The following DOP1B variants were observed in gnomAD, a reference collection of about 807,000 sequenced individuals.
DOP1B encodes protein DOP1B.
DOP1B carries 174 observed loss-of-function variants against 233.5 expected under a neutral mutation model. The observed-to-expected ratio is 0.75, with a 90% CI of 0.66 to 0.85. The LOEUF is 0.85. Ranked by LOEUF, DOP1B falls within the 40% of genes least tolerant of loss-of-function variation. The pLI, the probability that DOP1B is intolerant of heterozygous loss-of-function variation, is 0.00. For synonymous variants in DOP1B, 1,190 were observed against 1,185.6 expected (o/e 1.00, Z -0.08); for missense variants, 2,652 against 2,846.6 (o/e 0.93, Z 1.56).
rs1388412319 is a variant in DOP1B, at chr21:36,208,701, T to C, written c.492-14T>C. 1.9e-6 allele frequency: 3 copies of C among 1,610,480 alleles called. No individual in the cohort carries two copies. ...TGGGGCGAGCCCTTGAACCCTATCC[T>C]CTCTCATCAACAGAACGGATGCTCT... is the stretch of plus-strand genomic sequence containing the variant. On this transcript the variant is annotated splice_polypyrimidine_tract_variant and intron_variant, in intron 4 of 36. Coordinates refer to ENST00000691173, the MANE Select transcript of DOP1B (RefSeq NM_001320714.2).
intron 18 of DOP1B, 114 bp downstream of exon 18, chr21:36,240,069 G>C (rs1875510916): frequency 2.6e-5 from 32 of 1,234,480 alleles, no homozygotes; most frequent in Non-Finnish European, 3.0e-5. Flanking sequence ...AGATGCAAAT[G>C]GTACTTTGTA....
rs1440698831 is a variant in DOP1B at position 36,211,878 on chromosome 21, A to G, written c.781-96A>G. The G allele has an allele frequency of 1.3e-5, 20 of 1,557,350 alleles. No homozygotes were observed. The East Asian group carries it at 3.8e-4, about 30-fold the overall frequency. On this transcript the variant is annotated intron_variant, in intron 6 of 36. Transcript: ENST00000691173. ...GTAAGGAACCAGCCCATTTTGAGAT[A>G]GAGCTTTGCAGACCAGCAAGGAAGG...
At chr21:36,157,457 G>T (rs940385422) in intron 1 of DOP1B, among the ~76,000 whole-genome samples, 13 of 152,232 alleles carry the variant, frequency 8.5e-5, no homozygotes, top group Non-Finnish European at 1.9e-4. Flanking sequence ...AGGGATCCGG[G>T]CCGCAGTGCG....
chr21:36,190,490 C>T (rs2066220756), intron 2 of DOP1B, among the ~76,000 whole-genome samples: 3 of 151,842 alleles, frequency 2.0e-5, no homozygotes, highest in Admixed American at 2.0e-4. Flanking sequence ...CTCTGCCTCC[C>T]GGGTTCAAGT....
chr21:36,286,963 C>CA (rs879698526), intron 32 of DOP1B, among the ~76,000 whole-genome samples: 1,562 of 129,936 alleles, frequency 0.012, 20 homozygotes, highest in African/African-American at 0.039. Flanking sequence ...GACTCCATCT[C>CA]AAAAAAAAAA....
intron 2 of DOP1B, among the ~76,000 whole-genome samples, chr21:36,183,349 CT>C (rs540444109): frequency 2.0e-4 from 31 of 152,312 alleles, no homozygotes; most frequent in Admixed American, 1.8e-3. Flanking sequence ...TGCTGTAGAC[CT>C]TTGGTTTTGT....
chr21:36,209,053 G>T, intron 5 of DOP1B, 149 bp downstream of exon 5: 1 of 896,442 alleles, frequency 1.1e-6, no homozygotes, highest in Non-Finnish European at 1.6e-6. Context: ...GGCTGAGCAA[G>T]GCGAGAAGGA....
At chr21:36,237,041 C>T (rs1157099279) in intron 15 of DOP1B, among the ~76,000 whole-genome samples, 1 of 152,154 alleles carries the variant, frequency 6.6e-6, no homozygotes, top group African/African-American at 2.4e-5. Context: ...CCACTTCGAC[C>T]TCCCAAAGTG....
Position 36,278,444 on chromosome 21 carries a change from AAGCAGAGCCAT to A in DOP1B, c.5969+92_5969+102del, listed in dbSNP as rs965737292. The A allele has an allele frequency of 2.5e-5, 35 of 1,418,498 alleles. No homozygotes were observed. In the African/African-American group the frequency reaches 4.8e-4, roughly 20 times the overall value. The allele number at this position is 1,418,498 out of a possible 1,614,324, so 87.9% of individuals were successfully genotyped here. A position where few individuals can be genotyped will look rare whatever the true frequency, so the allele number is the denominator to read the frequency against. ...TACAGAATTCTCATTCCTGAAATAG[AAGCAGAGCCAT>A]AGGATCAACCCAAATAACAGGACGT... On this transcript the variant is annotated intron_variant, in intron 30 of 36. Coordinates refer to ENST00000691173, the MANE Select transcript of DOP1B (RefSeq NM_001320714.2).
At chr21:36,174,695 T>C (rs941071837) in intron 2 of DOP1B, among the ~76,000 whole-genome samples, 4 of 152,164 alleles carry the variant, frequency 2.6e-5, no homozygotes, top group African/African-American at 9.7e-5. Context: ...TTTCTTTTCA[T>C]AGAGACAGGG....
chr21:36,242,013 G>C (rs1388347354), intron 18 of DOP1B, among the ~76,000 whole-genome samples: 1 of 151,926 alleles, frequency 6.6e-6, no homozygotes, highest in African/African-American at 2.4e-5. Flanking sequence ...GTTCCACATT[G>C]TAAGAAAGTA....
In DOP1B at chr21:36,257,276, T is replaced by C. The variant is rs1036232995; in HGVS notation, c.5259+3367T>C. 2.0e-5 allele frequency among the ~76,000 whole-genome samples: 3 copies of C among 152,294 alleles called. 1 individual carries two copies. On this transcript the variant is annotated intron_variant, in intron 23 of 36. Transcript: ENST00000691173. Reference sequence around the variant, plus strand: ...TCACCAAACCCAGTCCTCTTGGGCCTTTTATGGAAACTTCATTGGATGGGT... The same window carrying C: ...TCACCAAACCCAGTCCTCTTGGGCCCTTTATGGAAACTTCATTGGATGGGT...
At chr21:36,213,108 A>G (rs982045651) in intron 7 of DOP1B, among the ~76,000 whole-genome samples, 1 of 152,238 alleles carries the variant, frequency 6.6e-6, no homozygotes, top group Non-Finnish European at 1.5e-5. Context: ...ATCTTACCAA[A>G]GTCAAGAAGT....
At chr21:36,157,100 C>T (rs1314567982) in intron 1 of DOP1B, among the ~76,000 whole-genome samples, 157 bp downstream of exon 1, 1 of 152,032 alleles carries the variant, frequency 6.6e-6, no homozygotes, top group African/African-American at 2.4e-5. Context: ...GGTGGCTTAC[C>T]GGCGCGCGGC....
chr21:36,260,257 A>G, intron 23 of DOP1B, among the ~76,000 whole-genome samples: 1 of 95,068 alleles, frequency 1.1e-5, no homozygotes. Context: ...GGAGGGAGGA[A>G]GGAAGGAAGG....
chr21:36,254,223 A>G (rs770366965), intron 23 of DOP1B, among the ~76,000 whole-genome samples: 3 of 152,154 alleles, frequency 2.0e-5, no homozygotes, highest in Non-Finnish European at 2.9e-5. Flanking sequence ...CTTTAGAAAG[A>G]GGAAATGGCA....
rs1349902608 is a variant in DOP1B, at chr21:36,164,777, G to T, written c.44G>T (p.Arg15Ile). 6.2e-7 allele frequency: 1 copy of T among 1,612,216 alleles called. No homozygotes were observed. Among genetic ancestry groups the T allele is most frequent in the African/African-American group, 1.3e-5 (1 of 74,936 alleles). ...EQELLNDYRYRSYSSVIEKAL... is the reference protein window; with the variant it reads ...EQELLNDYRYISYSSVIEKAL... ...GAGCTCTTAAATGATTACAGATACAGAAGCTACTCTTCAGTGATTGAAAAG... is the reference window on the plus strand; with the variant it reads ...GAGCTCTTAAATGATTACAGATACATAAGCTACTCTTCAGTGATTGAAAAG... The change falls in exon 2 of 37, where the codon AGA becomes ATA. Residue 15 changes from arginine to isoleucine, a missense_variant. Arg to Ile is a moderately conservative substitution (Grantham distance 97). This residue lies in a region of DOP1B where 2,617 missense variants were observed against 2,794.3 expected (regional missense o/e 0.94). Coordinates refer to ENST00000691173, the MANE Select transcript of DOP1B (RefSeq NM_001320714.2).
intron 5 of DOP1B, among the ~76,000 whole-genome samples, chr21:36,210,428 T>C (rs2066482295): frequency 6.6e-6 from 1 of 152,144 alleles, no homozygotes; most frequent in Admixed American, 6.5e-5. Context: ...GTGGATTACC[T>C]GAGGCCAGGA....
intron 3 of DOP1B, among the ~76,000 whole-genome samples, chr21:36,199,724 A>G (rs1309936614): frequency 6.6e-6 from 1 of 151,972 alleles, no homozygotes; most frequent in African/African-American, 2.4e-5. Flanking sequence ...GCTGAGAATG[A>G]TGGTTTCCAG....
Sources: gnomAD v4.1 joint callset for allele counts (sites outside exome capture counted in the v4.1 genomes callset) on GRCh38, gnomAD v4.1.1 for gene constraint, gnomAD v4.1.1 regional missense constraint, MANE v1.5 for transcripts, NCBI Gene and HGNC (gene_info 2026-07-23, HGNC 2026-07-21) for gene names.